Variants in VWC2L observed in about 807,000 individuals in gnomAD.
The protein encoded by VWC2L is von Willebrand factor C domain-containing protein 2-like.
A neutral mutation model predicts 21.6 loss-of-function variants in VWC2L; 10 were observed. The observed-to-expected ratio is 0.46, with a 90% CI of 0.29 to 0.78. VWC2L has a LOEUF of 0.78. VWC2L is among the 30% of genes least tolerant of loss of function. The pLI is 0.10. For missense variants in VWC2L, 209 were observed against 277.1 expected (o/e 0.75, Z 1.74); for synonymous variants, 96 against 94.3 (o/e 1.02, Z -0.10).
chr2:214,503,077 G>A (rs965246383), intron 3 of VWC2L, among the ~76,000 whole-genome samples: 1 of 152,120 alleles, frequency 6.6e-6, no homozygotes, highest in Non-Finnish European at 1.5e-5. Flanking sequence ...GGCTACCATC[G>A]TATCTAGGCA....
intron 3 of VWC2L, among the ~76,000 whole-genome samples, chr2:214,437,269 C>T (rs542114124): frequency 1.6e-4 from 24 of 152,128 alleles, no homozygotes; most frequent in Non-Finnish European, 2.2e-4. Flanking sequence ...AAGTTTAGGG[C>T]CTTTATTGTA....
At chr2:214,419,934 C>T (rs1206062723) in intron 2 of VWC2L, among the ~76,000 whole-genome samples, 2 of 152,070 alleles carry the variant, frequency 1.3e-5, no homozygotes, top group African/African-American at 4.8e-5. Context: ...TGGCGGGCAC[C>T]TCTAGTCCCA....
chr2:214,449,280 G>A lies in VWC2L; in HGVS notation c.520+12522G>A, dbSNP rs530967245. 5.3e-5 allele frequency among the ~76,000 whole-genome samples: 8 copies of A among 152,300 alleles called. No individual in the cohort carries two copies. In the South Asian group the frequency reaches 1.5e-3, roughly 28 times the overall value. On this transcript the variant is annotated intron_variant, in intron 3 of 3. Coordinates refer to ENST00000312504, the MANE Select transcript of VWC2L (RefSeq NM_001080500.4). ...GCTAGAAGTATTGAGCAGCTTTTCT[G>A]TCCATCTCAGATAACATAGCATAGG...
chr2:214,489,602 G>A (rs1688718627), intron 3 of VWC2L, among the ~76,000 whole-genome samples: 1 of 152,202 alleles, frequency 6.6e-6, no homozygotes, highest in Non-Finnish European at 1.5e-5. Context: ...CTGGCTTAAT[G>A]GATTTTGGAA....
At chr2:214,432,219 A>C (rs750957672) in intron 2 of VWC2L, among the ~76,000 whole-genome samples, 1 of 152,262 alleles carries the variant, frequency 6.6e-6, no homozygotes, top group Non-Finnish European at 1.5e-5. Flanking sequence ...ATATTTGTTG[A>C]GTATCTGTCA....
chr2:214,474,728 G>A (rs561805538), intron 3 of VWC2L, among the ~76,000 whole-genome samples: 4 of 152,176 alleles, frequency 2.6e-5, no homozygotes, highest in African/African-American at 7.2e-5. Context: ...GACTCTCCAC[G>A]TGAATTGGGG....
intron 3 of VWC2L, among the ~76,000 whole-genome samples, chr2:214,530,211 AC>A (rs1689411738): frequency 6.6e-6 from 1 of 152,176 alleles, no homozygotes; most frequent in Non-Finnish European, 1.5e-5. Flanking sequence ...TTCACAGCTC[AC>A]CTTTCCTTAG....
At chr2:214,468,616 A>G (rs1468417671) in intron 3 of VWC2L, among the ~76,000 whole-genome samples, 1 of 152,198 alleles carries the variant, frequency 6.6e-6, no homozygotes, top group African/African-American at 2.4e-5. Flanking sequence ...TTATATTGCA[A>G]GAACAAAAGC....
At chr2:214,445,026 TA>T (rs1702817598) in intron 3 of VWC2L, among the ~76,000 whole-genome samples, 2 of 151,952 alleles carry the variant, frequency 1.3e-5, no homozygotes, top group Admixed American at 1.3e-4. Flanking sequence ...ATTTCATCTG[TA>T]AGTTTTTTCA....
chr2:214,548,414 G>A (rs1689743380), intron 3 of VWC2L, among the ~76,000 whole-genome samples: 2 of 152,186 alleles, frequency 1.3e-5, no homozygotes, highest in African/African-American at 2.4e-5. Context: ...TATAAACAGT[G>A]CAAGCCAGGA....
chr2:214,488,641 A>C (rs982773975), intron 3 of VWC2L, among the ~76,000 whole-genome samples: 1 of 152,150 alleles, frequency 6.6e-6, no homozygotes, highest in African/African-American at 2.4e-5. Flanking sequence ...ACATGTCTTC[A>C]TCTGTTCTGG....
chr2:214,539,161 G>A (rs887862633), intron 3 of VWC2L, among the ~76,000 whole-genome samples: 1 of 152,090 alleles, frequency 6.6e-6, no homozygotes, highest in African/African-American at 2.4e-5. Flanking sequence ...GGAGACTACT[G>A]CACTTGATTA....
chr2:214,576,000 T>C lies in VWC2L; in HGVS notation c.*180T>C. The C allele has an allele frequency of 7.4e-6, 4 of 539,518 alleles. No homozygotes were observed. Among genetic ancestry groups the C allele is most frequent in the Non-Finnish European group, 1.3e-5 (4 of 315,840 alleles). 33.4% of individuals were successfully genotyped at this position (539,518 alleles called of 1,614,324 possible). A position where few individuals can be genotyped will look rare whatever the true frequency, so the allele number is the denominator to read the frequency against. On this transcript the variant is annotated 3_prime_UTR_variant, in exon 4 of 4. Transcript: ENST00000312504. ...AAGAGGAAATTTCTTTCTCTCTTGC[T>C]ATATAAAATATATATAGTATATAGC... is the stretch of plus-strand genomic sequence containing the variant.
chr2:214,540,845 G>T (rs139881981), intron 3 of VWC2L, among the ~76,000 whole-genome samples: 77 of 152,276 alleles, frequency 5.1e-4, no homozygotes, highest in African/African-American at 1.7e-3. Context: ...GTGTCAAAAT[G>T]TTCTGTCTTT....
At chr2:214,477,808 C>T (rs1280526594) in intron 3 of VWC2L, among the ~76,000 whole-genome samples, 1 of 152,156 alleles carries the variant, frequency 6.6e-6, no homozygotes, top group African/African-American at 2.4e-5. Flanking sequence ...TTAGATAATG[C>T]TATTACAATA....
chr2:214,479,972 T>C (rs1263704107), intron 3 of VWC2L, among the ~76,000 whole-genome samples: 1 of 152,204 alleles, frequency 6.6e-6, no homozygotes, highest in Non-Finnish European at 1.5e-5. Context: ...TTAATGAACA[T>C]GTACAGACTT....
At chr2:214,509,193 T>G (rs1220436755) in intron 3 of VWC2L, among the ~76,000 whole-genome samples, 1 of 152,190 alleles carries the variant, frequency 6.6e-6, no homozygotes, top group Non-Finnish European at 1.5e-5. Flanking sequence ...CCATATAAAC[T>G]GCTCGCATCT....
chr2:214,502,467 G>A (rs1323988692), intron 3 of VWC2L, among the ~76,000 whole-genome samples: 1 of 152,164 alleles, frequency 6.6e-6, no homozygotes, highest in African/African-American at 2.4e-5. Context: ...CTACTTGGGA[G>A]GCTGAGGCAA....
chr2:214,472,288 G>C (rs1234824589), intron 3 of VWC2L: 1 of 152,176 alleles, frequency 6.6e-6, no homozygotes, highest in Non-Finnish European at 1.5e-5. Context: ...TCACAAGATA[G>C]TGAAAGCGAG....
Sources: allele counts gnomAD v4.1 joint callset (sites outside exome capture counted in the v4.1 genomes callset), GRCh38; gene constraint gnomAD v4.1.1; transcripts MANE v1.5; gene names NCBI Gene and HGNC (gene_info 2026-07-23, HGNC 2026-07-21).